KLHL1: variants seen among roughly 807,000 people sequenced by gnomAD.
KLHL1 encodes the protein kelch like family member 1, also known as kelch-like protein 1.
Under a neutral mutation model 77.7 loss-of-function variants are expected in KLHL1, and 47 were observed. That is an observed-to-expected ratio of 0.60 (90% CI 0.48 to 0.77). The LOEUF (loss-of-function observed/expected upper bound fraction) is 0.77, where lower values mean the gene tolerates loss of function less well. KLHL1 is among the 30% of genes least tolerant of loss of function. The pLI is 0.00. For missense variants in KLHL1, 925 were observed against 910.8 expected (o/e 1.02, Z -0.20); for synonymous variants, 360 against 325.2 (o/e 1.11, Z -1.15).
chr13:70,034,238 C>T (rs1886186144), intron 1 of KLHL1, among the ~76,000 whole-genome samples: 2 of 152,104 alleles, frequency 1.3e-5, no homozygotes, highest in Admixed American at 6.5e-5. Flanking sequence ...ATTGAACTTC[C>T]CCAAATGCTT....
chr13:70,002,501 C>A (rs1885318110), intron 1 of KLHL1, among the ~76,000 whole-genome samples: 1 of 150,540 alleles, frequency 6.6e-6, no homozygotes, highest in African/African-American at 2.4e-5. Context: ...CATTGTAGTC[C>A]CAGGAGGCAA....
chr13:69,884,014 T>C (rs1300376389), intron 4 of KLHL1, among the ~76,000 whole-genome samples: 1 of 152,182 alleles, frequency 6.6e-6, no homozygotes, highest in African/African-American at 2.4e-5. Flanking sequence ...ACTAAGACTC[T>C]TCCAAAGAAG....
intron 8 of KLHL1, among the ~76,000 whole-genome samples, chr13:69,726,230 A>G (rs1873291656): frequency 1.3e-5 from 2 of 152,172 alleles, no homozygotes; most frequent in South Asian, 4.1e-4. Context: ...TTACCCAGAA[A>G]AAGTGTTTAG....
chr13:69,921,624 G>T (rs1882638280), intron 4 of KLHL1, among the ~76,000 whole-genome samples: 1 of 152,028 alleles, frequency 6.6e-6, no homozygotes, highest in Non-Finnish European at 1.5e-5. Context: ...TCTATATATT[G>T]TGGGGAAGTT....
chr13:69,950,691 T>C (rs1883680849), intron 3 of KLHL1, among the ~76,000 whole-genome samples: 1 of 151,722 alleles, frequency 6.6e-6, no homozygotes, highest in South Asian at 2.1e-4. Context: ...ATTATTTTAA[T>C]TTAGGATACC....
Position 69,914,945 on chromosome 13 carries a change from C to T in KLHL1, c.1014+25095G>A, listed in dbSNP as rs144537577. Among the ~76,000 whole-genome samples, 68 of 152,202 alleles carry T rather than the reference C, an allele frequency of 4.5e-4. 1 individual carries two copies. The highest frequency in any genetic ancestry group is 1.5e-3 in the African/African-American group (63 of 41,534). The stretch of plus-strand genomic sequence containing the variant: ...AAGCCTCATTAATACAAGAGAAATA[C>T]ACATGTAAACAACACTAACATATCA... On this transcript the variant is annotated intron_variant, in intron 4 of 10. Coordinates refer to ENST00000377844, the MANE Select transcript of KLHL1 (RefSeq NM_020866.3).
chr13:69,901,344 A>G (rs1198400856), intron 4 of KLHL1, among the ~76,000 whole-genome samples: 2 of 152,214 alleles, frequency 1.3e-5, no homozygotes, highest in Non-Finnish European at 2.9e-5. Flanking sequence ...TCACCTTTAC[A>G]CTTAACTTTG....
chr13:69,718,293 A>G (rs1416601374), intron 9 of KLHL1, among the ~76,000 whole-genome samples: 2 of 152,138 alleles, frequency 1.3e-5, no homozygotes, highest in African/African-American at 4.8e-5. Flanking sequence ...TTATCATTGT[A>G]GTACAAATAA....
intron 4 of KLHL1, among the ~76,000 whole-genome samples, chr13:69,912,389 C>G (rs1882267070): frequency 6.6e-6 from 1 of 152,116 alleles, no homozygotes; most frequent in Admixed American, 6.6e-5. Flanking sequence ...CTGGTAGTAT[C>G]AGAAAAAAAT....
intron 4 of KLHL1, chr13:69,895,124 T>C (rs1781839517): frequency 3.3e-5 from 15 of 461,312 alleles, no homozygotes; most frequent in South Asian, 2.2e-4. Context: ...TTTCATTTGT[T>C]CCTTATATAT....
chr13:69,986,306 C>T (rs1240445512), intron 1 of KLHL1, among the ~76,000 whole-genome samples: 4 of 151,804 alleles, frequency 2.6e-5, no homozygotes, highest in East Asian at 1.9e-4. Context: ...TTACATATTT[C>T]GAAATAGCAA....
chr13:70,027,765 C>G (rs1306379578), intron 1 of KLHL1, among the ~76,000 whole-genome samples: 1 of 149,468 alleles, frequency 6.7e-6, no homozygotes, highest in Non-Finnish European at 1.5e-5. Context: ...TTGTTTTAAG[C>G]CTCTGAGATT....
chr13:70,066,250 A>C (rs1593715716), intron 1 of KLHL1, among the ~76,000 whole-genome samples: 1 of 152,312 alleles, frequency 6.6e-6, no homozygotes, highest in African/African-American at 2.4e-5. Context: ...ATATTAAGCA[A>C]GGGTAAAGTT....
At chr13:69,931,266 C>G (rs1163895023) in intron 4 of KLHL1, among the ~76,000 whole-genome samples, 1 of 151,622 alleles carries the variant, frequency 6.6e-6, no homozygotes, top group Non-Finnish European at 1.5e-5. Flanking sequence ...TTAAATAAAT[C>G]TACTAAGATT....
At chr13:69,752,893 A>G (rs550233395) in intron 7 of KLHL1, among the ~76,000 whole-genome samples, 133 of 152,306 alleles carry the variant, frequency 8.7e-4, no homozygotes, top group Admixed American at 8.7e-3. Flanking sequence ...CTCCGCATCC[A>G]CTGCTGCCTT....
intron 1 of KLHL1, among the ~76,000 whole-genome samples, chr13:70,040,249 T>C (rs975970486): frequency 1.3e-5 from 2 of 152,170 alleles, no homozygotes; most frequent in Non-Finnish European, 2.9e-5. Context: ...CTTCCTAATA[T>C]TTTAAGATTT....
At chr13:70,085,680 T>C (rs1446888854) in intron 1 of KLHL1, among the ~76,000 whole-genome samples, 1 of 151,736 alleles carries the variant, frequency 6.6e-6, no homozygotes, top group African/African-American at 2.4e-5. Flanking sequence ...CCTGGCCAAA[T>C]AGGTGAAACC....
At chr13:69,711,208 T>A (rs572082807) in intron 9 of KLHL1, among the ~76,000 whole-genome samples, 127 of 152,254 alleles carry the variant, frequency 8.3e-4, no homozygotes, top group African/African-American at 2.8e-3. Flanking sequence ...GAATGTTTCT[T>A]TTCCCAAGTT....
intron 1 of KLHL1, among the ~76,000 whole-genome samples, chr13:69,996,398 T>G (rs1011628063): frequency 6.6e-6 from 1 of 152,120 alleles, no homozygotes; most frequent in African/African-American, 2.4e-5. Context: ...GATAAAAATG[T>G]CAGATGGATT....
Sources: allele counts gnomAD v4.1 joint callset (sites outside exome capture counted in the v4.1 genomes callset), GRCh38; gene constraint gnomAD v4.1.1; transcripts MANE v1.5; gene names NCBI Gene and HGNC (gene_info 2026-07-23, HGNC 2026-07-21).